TUBA3D: variants seen among roughly 807,000 people sequenced by gnomAD.
The protein encoded by TUBA3D is tubulin alpha-3D chain.
A neutral mutation model predicts 36.1 loss-of-function variants in TUBA3D; 24 were observed. The observed-to-expected ratio is 0.66, with a 90% CI of 0.48 to 0.93. The LOEUF (loss-of-function observed/expected upper bound fraction) is 0.93. TUBA3D is among the 40% of genes least tolerant of loss of function. The pLI is 0.00. For synonymous variants in TUBA3D, 185 were observed against 247.2 expected, an observed-to-expected ratio of 0.75 and a Z score of 2.36; for missense variants, 356 against 614.5, an observed-to-expected ratio of 0.58 and a Z score of 4.45.
In TUBA3D at chr2:131,476,196, C is replaced by T. The variant is rs774743711; in HGVS notation, c.-4C>T. On this transcript the variant is annotated 5_prime_UTR_variant, in exon 1 of 5. Coordinates refer to ENST00000321253, the MANE Select transcript of TUBA3D (RefSeq NM_080386.4). ...AGCGTTGGGCTGAAGCAGCGGAGTT[C>T]GCCATGGTAAGGCCCGGGTCACTCC... 12 of 1,613,834 alleles carry T rather than the reference C, an allele frequency of 7.4e-6. No individual in the cohort carries two copies. The highest frequency in any genetic ancestry group is 1.7e-5 in the Admixed American group (1 of 60,010).
Position 131,480,606 on chromosome 2 carries a change from T to C in TUBA3D, c.913T>C (p.Cys305Arg). The C allele has an allele frequency of 1.9e-6, 3 of 1,613,370 alleles. No homozygotes were observed. The highest frequency in any genetic ancestry group is 1.7e-6 in the Non-Finnish European group (2 of 1,180,018). ...CGAGCCAGCCAATCAAATGGTCAAGTGTGACCCTCGCCACGGCAAGTACAT... is the reference window on the plus strand; with the variant it reads ...CGAGCCAGCCAATCAAATGGTCAAGCGTGACCCTCGCCACGGCAAGTACAT... Reference protein sequence around the residue: ...CFEPANQMVKCDPRHGKYMAC... With the variant: ...CFEPANQMVKRDPRHGKYMAC... Residue 305 changes from cysteine (C) to arginine (R), a missense_variant, in exon 4 of 5, where the codon TGT becomes CGT. This residue lies in a region of TUBA3D where 156 missense variants were observed against 219.8 expected (regional missense o/e 0.71). Transcript: ENST00000321253.
chr2:131,478,970 G>GT (rs1678761132), intron 2 of TUBA3D, among the ~76,000 whole-genome samples: 3 of 152,198 alleles, frequency 2.0e-5, no homozygotes, highest in Admixed American at 2.0e-4. Flanking sequence ...TGCCCAGGTT[G>GT]TAAGAGTTTC....
At chr2:131,481,510 A>G (rs1573862955) in intron 4 of TUBA3D, among the ~76,000 whole-genome samples, 1 of 145,538 alleles carries the variant, frequency 6.9e-6, no homozygotes, top group South Asian at 2.2e-4. Context: ...ATCTTGACTC[A>G]CTGCAACCTC....
In TUBA3D at chr2:131,479,400, C is replaced by A; in HGVS notation, c.319C>A (p.His107Asn). The change falls in exon 3 of 5, where the codon CAT (histidine) becomes AAT (asparagine). Residue 107 changes from histidine (H) to asparagine (N), a missense_variant. Physicochemically the swap from His to Asn is moderately conservative, Grantham distance 68. Transcript: ENST00000321253. The part of the protein sequence containing the change: ...EDAANNYARG[H>N]YTIGKEIVDL... ...TGCAGCCAATAATTACGCCAGGGGC[C>A]ATTACACCATCGGCAAGGAGATTGT... 1 of 1,614,184 alleles carries A rather than the reference C, an allele frequency of 6.2e-7. No homozygotes were observed.
At chr2:131,482,038 G>A (rs749183693) in intron 4 of TUBA3D, among the ~76,000 whole-genome samples, 1 of 152,184 alleles carries the variant, frequency 6.6e-6, no homozygotes, top group East Asian at 1.9e-4. Flanking sequence ...GGACCACTTC[G>A]ACCACTTCCT....
chr2:131,479,470 G>A lies in TUBA3D; in HGVS notation c.375+14G>A, dbSNP rs1477821402. 3 of 1,610,512 alleles carry A rather than the reference G, an allele frequency of 1.9e-6. No individual in the cohort carries two copies. The highest frequency in any genetic ancestry group is 2.5e-6 in the Non-Finnish European group (3 of 1,177,482). ...ATCCGCAAACTGGTAAGAAGAGAAG[G>A]TTTCATGTGGCCATTTTCTTGCATG... On this transcript the variant is annotated intron_variant, in intron 3 of 4. Transcript: ENST00000321253.
chr2:131,479,963 G>C (rs1301937735), intron 3 of TUBA3D, 106 bp from the exon 4 acceptor site: 24 of 1,401,220 alleles, frequency 1.7e-5, no homozygotes, highest in Non-Finnish European at 2.3e-5. Flanking sequence ...TGGATGATTT[G>C]AATCCATATC....
At chr2:131,479,969 A>G (rs996174787) in intron 3 of TUBA3D, 100 bp from the exon 4 acceptor site, 14 of 1,437,742 alleles carry the variant, frequency 9.7e-6, no homozygotes, top group South Asian at 2.8e-5. Flanking sequence ...ATTTGAATCC[A>G]TATCAACTCT....
At position 131,480,492 on chromosome 2, in the gene TUBA3D, T is replaced by G. The variant is rs140040647; in HGVS notation, c.799T>G (p.Phe267Val). 8 of 1,590,260 alleles carry G rather than the reference T, an allele frequency of 5.0e-6. 1 individual carries two copies. Among genetic ancestry groups the G allele is most frequent in the East Asian group, 2.2e-5 (1 of 44,858 alleles). The change falls in exon 4 of 5, where the codon TTC (phenylalanine) becomes GTC (valine). Residue 267 changes from phenylalanine (F) to valine (V), a missense_variant. Phe to Val is a conservative substitution (Grantham distance 50). Coordinates refer to ENST00000321253, the MANE Select transcript of TUBA3D (RefSeq NM_080386.4). ...CCTAGTGCCGTACCCCCGCATCCAC[T>G]TCCCCCTGGCCACCTATGCCCCAGT... is the stretch of plus-strand genomic sequence containing the variant. The part of the protein sequence containing the change: ...TNLVPYPRIH[F>V]PLATYAPVIS...
chr2:131,480,109 A>T lies in TUBA3D; in HGVS notation c.416A>T (p.His139Leu). The change falls in exon 4 of 5, where the codon CAC becomes CTC. Residue 139 changes from histidine (H) to leucine (L), a missense_variant. Around this residue, in one of 3 missense-constraint regions of TUBA3D, gnomAD observed 91 missense variants for 240.9 expected, o/e 0.38. Coordinates refer to ENST00000321253, the MANE Select transcript of TUBA3D (RefSeq NM_080386.4). Reference protein sequence around the residue: ...CTGLQGFLIFHSFGGGTGSGF... With the variant: ...CTGLQGFLIFLSFGGGTGSGF... ...GGACTGCAGGGCTTCCTCATCTTCC[A>T]CAGCTTTGGGGGCGGCACTGGCTCT... 2 of 1,609,894 alleles carry T rather than the reference A, an allele frequency of 1.2e-6. No individual in the cohort carries two copies. The highest frequency in any genetic ancestry group is 2.2e-5 in the South Asian group (2 of 90,428).
chr2:131,481,529 G>A (rs1224543432), intron 4 of TUBA3D, among the ~76,000 whole-genome samples: 3 of 149,866 alleles, frequency 2.0e-5, no homozygotes, highest in African/African-American at 5.0e-5. Context: ...TCCACCTCCC[G>A]GGCTCAAGCA....
At chr2:131,477,493 TGAG>T (rs1275477999) in intron 1 of TUBA3D, among the ~76,000 whole-genome samples, 22 of 151,886 alleles carry the variant, frequency 1.4e-4, no homozygotes, top group Non-Finnish European at 2.9e-5. Context: ...AGTGTGGCCT[TGAG>T]AGGGATTCAG....
At chr2:131,478,042 T>C (rs1678733411) in intron 1 of TUBA3D, 122 bp from the exon 2 acceptor site, 3 of 1,348,102 alleles carry the variant, frequency 2.2e-6, no homozygotes, top group Non-Finnish European at 3.0e-6. Context: ...CTAGGAAATA[T>C]CGATTGTGAA....
At chr2:131,480,781 A>G (rs1173468292) in intron 4 of TUBA3D, 32 bp downstream of exon 4, 4 of 1,594,448 alleles carry the variant, frequency 2.5e-6, no homozygotes, top group Non-Finnish European at 3.4e-6. Context: ...GCCTTTCAGC[A>G]AGCAGCAGAT....
rs147118488 is a variant in TUBA3D at position 131,478,213 on chromosome 2, A to G, written c.53A>G (p.Asn18Ser). ...HVGQAGVQIG[N>S]ACWELYCLEH... is the part of the protein sequence containing the mutation. The stretch of plus-strand genomic sequence containing the variant: ...GGGCAGGCGGGTGTCCAGATCGGCA[A>G]TGCCTGCTGGGAACTGTACTGCCTT... The change falls in exon 2 of 5, where the codon AAT (asparagine) becomes AGT (serine). Residue 18 changes from asparagine to serine, a missense_variant. By Grantham distance (46) the Asn-to-Ser change is conservative (BLOSUM62 1). Coordinates refer to ENST00000321253, the MANE Select transcript of TUBA3D (RefSeq NM_080386.4). 1.7e-5 allele frequency: 28 copies of G among 1,614,112 alleles called. No homozygotes were observed. Among genetic ancestry groups the G allele is most frequent in the Middle Eastern group, 1.7e-4 (1 of 6,060 alleles).
At chr2:131,482,363 G>C (rs1336696982) in intron 4 of TUBA3D, among the ~76,000 whole-genome samples, 189 bp from the exon 5 acceptor site, 2 of 152,208 alleles carry the variant, frequency 1.3e-5, no homozygotes, top group African/African-American at 4.8e-5. Context: ...TACCTCCAAG[G>C]TTCCTTTCTC....
chr2:131,476,125 C>G lies in TUBA3D; in HGVS notation c.-75C>G. On this transcript the variant is annotated 5_prime_UTR_variant, in exon 1 of 5. Transcript: ENST00000321253. ...TGCGGCGCGCACAGGCAGGAGGTTG[C>G]AGTTGGGCGCTCAGCAGCTGTGGCA... The G allele has an allele frequency of 6.2e-7, 1 of 1,610,998 alleles. No homozygotes were observed. The highest frequency in any genetic ancestry group is 1.1e-5 in the South Asian group (1 of 90,752).
At chr2:131,481,435 ATTTT>A (rs70994779) in intron 4 of TUBA3D, among the ~76,000 whole-genome samples, 4 of 129,248 alleles carry the variant, frequency 3.1e-5, no homozygotes, top group African/African-American at 9.1e-5. Context: ...TGCCCGGGTA[ATTTT>A]TTTTTTTTTT....
At chr2:131,482,296 A>G (rs1678889667) in intron 4 of TUBA3D, among the ~76,000 whole-genome samples, 1 of 152,172 alleles carries the variant, frequency 6.6e-6, no homozygotes, top group Admixed American at 6.5e-5. Context: ...CACCTATCAC[A>G]TGTCACAGGT....
Sources: allele counts gnomAD v4.1 joint callset (sites outside exome capture counted in the v4.1 genomes callset), GRCh38; gene constraint gnomAD v4.1.1; regional missense constraint gnomAD v4.1.1; transcripts MANE v1.5; gene names NCBI Gene and HGNC (gene_info 2026-07-23, HGNC 2026-07-21).